Variants in TRIO observed in about 807,000 individuals in gnomAD.
The protein encoded by TRIO is trio Rho guanine nucleotide exchange factor.
In TRIO, 58 loss-of-function variants were observed where a neutral mutation model predicts 351.9. The observed-to-expected ratio is 0.16, with a 90% CI of 0.13 to 0.21. The LOEUF (loss-of-function observed/expected upper bound fraction) is 0.21. Ranked by LOEUF, TRIO falls within the 10% of genes least tolerant of loss-of-function variation. The pLI, the probability that TRIO is intolerant of heterozygous loss-of-function variation, is 1.00. For missense variants in TRIO, 3,201 were observed against 4,027.8 expected (o/e 0.79, Z 5.56); for synonymous variants, 1,758 against 1,595.7 (o/e 1.10, Z -2.42).
Position 14,421,241 on chromosome 5 carries a change from AT to A in TRIO, c.5203+1224del, listed in dbSNP as rs199744060. 3.9e-3 allele frequency among the ~76,000 whole-genome samples: 542 copies of A among 139,862 alleles called. 7 individuals are homozygous for A. Among genetic ancestry groups the A allele is most frequent in the African/African-American group, 0.014 (522 of 38,006 alleles). The allele number at this position is 139,862 out of a possible 152,430, so 91.8% of individuals were successfully genotyped here. The stretch of plus-strand genomic sequence containing the variant: ...ATTATTTATTTATTTATTTTATTTT[AT>A]TTTATTTTATTTTATTTTATTTTAT... On this transcript the variant is annotated intron_variant, in intron 34 of 56. Transcript: ENST00000344204.
Position 14,453,185 on chromosome 5 carries a change from T to C in TRIO, c.5204-7834T>C, listed in dbSNP as rs372825992. 1.2e-3 allele frequency among the ~76,000 whole-genome samples: 188 copies of C among 152,338 alleles called. 1 individual carries two copies. Among genetic ancestry groups the C allele is most frequent in the African/African-American group, 4.1e-3 (172 of 41,572 alleles). On this transcript the variant is annotated intron_variant, in intron 34 of 56. Coordinates refer to ENST00000344204, the MANE Select transcript of TRIO (RefSeq NM_007118.4). ...CCTCCTCAAAATAAGAAGGAATGAA[T>C]TTGAATTGACTTTCTCTTGGTGCTT...
chr5:14,304,605 T>C lies in TRIO; in HGVS notation c.1500+13T>C. 1 of 1,606,326 alleles carries C rather than the reference T, an allele frequency of 6.2e-7. No individual in the cohort carries two copies. Among genetic ancestry groups the C allele is most frequent in the Non-Finnish European group, 8.5e-7 (1 of 1,177,952 alleles). On this transcript the variant is annotated intron_variant, in intron 8 of 56. Coordinates refer to ENST00000344204, the MANE Select transcript of TRIO (RefSeq NM_007118.4). ...TGCTTATTCTGAGGTAAGTGGCCAG[T>C]TTTACTTACATTGCAAAGCAGCATC...
intron 7 of TRIO, among the ~76,000 whole-genome samples, chr5:14,301,111 A>C (rs1737838310): frequency 6.6e-6 from 1 of 152,134 alleles, no homozygotes; most frequent in Non-Finnish European, 1.5e-5. Flanking sequence ...GCAGACAGGG[A>C]GTAGTAGAGT....
intron 11 of TRIO, among the ~76,000 whole-genome samples, chr5:14,353,512 C>T (rs1743327266): frequency 6.6e-6 from 1 of 152,108 alleles, no homozygotes; most frequent in Non-Finnish European, 1.5e-5. Context: ...GATCTGCCCG[C>T]CTCGACCTCT....
intron 1 of TRIO, among the ~76,000 whole-genome samples, chr5:14,248,809 C>G (rs1169920872): frequency 6.6e-6 from 1 of 152,192 alleles, no homozygotes; most frequent in Non-Finnish European, 1.5e-5. Flanking sequence ...AGCAAGCCCA[C>G]CAATAAGAAA....
rs750085088 is a variant in TRIO at position 14,479,902 on chromosome 5, C to G, written c.6244-17C>G. The G allele has an allele frequency of 1.1e-4, 172 of 1,612,044 alleles. No individual in the cohort carries two copies. The highest frequency in any genetic ancestry group is 1.4e-4 in the Non-Finnish European group (167 of 1,178,690). On this transcript the variant is annotated splice_polypyrimidine_tract_variant and intron_variant, in intron 42 of 56. Transcript: ENST00000344204. The stretch of plus-strand genomic sequence containing the variant: ...ATGAACAGCCCATACGATCTTTTCT[C>G]TCTCTTAAAACTGTAGGACTTAAAG...
intron 8 of TRIO, among the ~76,000 whole-genome samples, chr5:14,307,080 C>G (rs541794907): frequency 6.6e-6 from 1 of 152,312 alleles, no homozygotes; most frequent in South Asian, 2.1e-4. Context: ...TATTTTGCCT[C>G]TTAAATTATT....
intron 45 of TRIO, 54 bp from the exon 46 acceptor site, chr5:14,482,528 A>G: frequency 7.6e-7 from 1 of 1,312,344 alleles, no homozygotes; most frequent in Non-Finnish European, 1.0e-6. Flanking sequence ...CAGATAACTT[A>G]GAAGGCAATG....
chr5:14,461,227 C>T lies in TRIO; in HGVS notation c.5412C>T (p.Arg1804=), dbSNP rs1338534466. The part of the protein sequence containing the change: ...KKLAHKHKKS[R]EVRKSADAGS... ...TGGCGCACAAGCACAAGAAGAGCCG[C>T]GAGGTCCGCAAGAGCGCCGACGCCG... Residue 1804 remains arginine, a synonymous_variant, in exon 35 of 57, where the codon CGC becomes CGT. Transcript: ENST00000344204. 1.3e-6 allele frequency: 2 copies of T among 1,580,654 alleles called. No homozygotes were observed. The highest frequency in any genetic ancestry group is 2.3e-5 in the East Asian group (1 of 43,444).
At chr5:14,271,280 C>G (rs1171415605) in intron 2 of TRIO, among the ~76,000 whole-genome samples, 1 of 152,204 alleles carries the variant, frequency 6.6e-6, no homozygotes, top group Non-Finnish European at 1.5e-5. Flanking sequence ...TTCTCGTACT[C>G]TGTACCTGCC....
At chr5:14,426,540 C>T (rs996742095) in intron 34 of TRIO, among the ~76,000 whole-genome samples, 5 of 152,210 alleles carry the variant, frequency 3.3e-5, no homozygotes, top group Non-Finnish European at 7.3e-5. Flanking sequence ...TGTCCAGGAA[C>T]TCACTGAAAG....
intron 1 of TRIO, among the ~76,000 whole-genome samples, chr5:14,147,256 G>A (rs1398324209): frequency 6.6e-6 from 1 of 152,210 alleles, no homozygotes; most frequent in East Asian, 1.9e-4. Context: ...GCCCCCCAGA[G>A]TGGAACTTGG....
intron 1 of TRIO, among the ~76,000 whole-genome samples, chr5:14,241,809 A>G (rs931271633): frequency 2.6e-5 from 4 of 152,236 alleles, no homozygotes; most frequent in Non-Finnish European, 5.9e-5. Context: ...TATACCAGTT[A>G]GATTAGCAGT....
chr5:14,479,302 A>G lies in TRIO; in HGVS notation c.6195A>G (p.Lys2065=), dbSNP rs776790805. ...LHMYIAYCQN[K]PKSEHIVSEY... ...TGTACATAGCTTATTGTCAAAATAA[A>G]CCAAAGTCTGAGCACATTGTCTCAG... Residue 2065 remains lysine (K), a synonymous_variant, in exon 42 of 57, where the codon AAA becomes AAG. Transcript: ENST00000344204. 8.1e-6 allele frequency: 13 copies of G among 1,614,002 alleles called. 1 individual carries two copies. The South Asian group carries it at 1.4e-4, about 18-fold the overall frequency.
chr5:14,287,629 C>T (rs1736561322), intron 4 of TRIO, among the ~76,000 whole-genome samples: 1 of 152,204 alleles, frequency 6.6e-6, no homozygotes, highest in Admixed American at 6.5e-5. Context: ...ACAAAACCCT[C>T]AGCCCACTAA....
At chr5:14,351,500 T>C (rs182780916) in intron 11 of TRIO, among the ~76,000 whole-genome samples, 1 of 152,328 alleles carries the variant, frequency 6.6e-6, no homozygotes, top group Admixed American at 6.5e-5. Flanking sequence ...ACCCAGATGA[T>C]TGTCTTTGTC....
intron 1 of TRIO, among the ~76,000 whole-genome samples, chr5:14,165,158 T>C (rs2152122161): frequency 6.6e-6 from 1 of 152,338 alleles, no homozygotes; most frequent in Admixed American, 6.5e-5. Flanking sequence ...ACAGGGGATA[T>C]ACGAGCAGAT....
intron 1 of TRIO, among the ~76,000 whole-genome samples, chr5:14,163,834 T>A (rs1788614265): frequency 6.6e-6 from 1 of 152,254 alleles, no homozygotes; most frequent in Non-Finnish European, 1.5e-5. Flanking sequence ...TATGGTTTTA[T>A]TCTCACATGC....
rs188331255 is a variant in TRIO at position 14,406,234 on chromosome 5, C to G, written c.4859+244C>G. The G allele has an allele frequency of 7.2e-4, 437 of 604,502 alleles. No homozygotes were observed. In the African/African-American group the frequency reaches 7.3e-3, roughly 10 times the overall value. The allele number at this position is 604,502 out of a possible 1,614,324, so 37.4% of individuals were successfully genotyped here. Reference sequence around the variant, plus strand: ...TCTCATTGTTTTGCCTTTCTCACCCCGAGCACCATACAGGGCACATGTCTA... The same window carrying G: ...TCTCATTGTTTTGCCTTTCTCACCCGGAGCACCATACAGGGCACATGTCTA... On this transcript the variant is annotated intron_variant, in intron 32 of 56. Transcript: ENST00000344204.
Sources: gnomAD v4.1 joint callset for allele counts (sites outside exome capture counted in the v4.1 genomes callset) on GRCh38, gnomAD v4.1.1 for gene constraint, MANE v1.5 for transcripts, NCBI Gene and HGNC (gene_info 2026-07-23, HGNC 2026-07-21) for gene names.